Variants in CCDC126 observed in about 807,000 individuals in gnomAD.
CCDC126 encodes the protein coiled-coil domain containing 126.
Under a neutral mutation model 11.7 loss-of-function variants are expected in CCDC126, and 5 were observed. The ratio of observed to expected loss-of-function variants is 0.43; its 90% CI spans 0.22 to 0.90. CCDC126 has a LOEUF of 0.90. Among genes scored for constraint, CCDC126 ranks in the 40% least tolerant of loss-of-function variants. The pLI is 0.27. For synonymous variants in CCDC126, 60 were observed against 61.9 expected, an observed-to-expected ratio of 0.97 and a Z score of 0.14; for missense variants, 150 against 163.1, an observed-to-expected ratio of 0.92 and a Z score of 0.44.
intron 3 of CCDC126, chr7:23,619,413 G>A: frequency 2.4e-6 from 1 of 422,376 alleles, no homozygotes; most frequent in Admixed American, 2.9e-5. Flanking sequence ...TTAAAGAAAA[G>A]GATAGATTAA....
At chr7:23,613,999 C>T (rs1393713300) in intron 3 of CCDC126, among the ~76,000 whole-genome samples, 1 of 152,152 alleles carries the variant, frequency 6.6e-6, no homozygotes, top group African/African-American at 2.4e-5. Context: ...GAGGATCTTG[C>T]CTTGATGTCA....
intron 3 of CCDC126, among the ~76,000 whole-genome samples, chr7:23,633,617 A>C (rs1783152606): frequency 6.6e-6 from 1 of 152,160 alleles, no homozygotes; most frequent in Non-Finnish European, 1.5e-5. Flanking sequence ...TAATCCTAGC[A>C]CTTTGGGAGG....
At chr7:23,625,249 G>C (rs1370692571) in intron 3 of CCDC126, among the ~76,000 whole-genome samples, 2 of 152,160 alleles carry the variant, frequency 1.3e-5, no homozygotes, top group Non-Finnish European at 2.9e-5. Flanking sequence ...GTATTTGTGT[G>C]TATGAAATAT....
At chr7:23,639,109 C>T (rs1783305550) in intron 3 of CCDC126, among the ~76,000 whole-genome samples, 1 of 151,504 alleles carries the variant, frequency 6.6e-6, no homozygotes, top group South Asian at 2.1e-4. Context: ...ATTTTCAACT[C>T]TACAGAAAAA....
Position 23,642,938 on chromosome 7 carries a change from GA to G in CCDC126, c.250del (p.Arg84GlufsTer15). 6.2e-7 allele frequency: 1 copy of G among 1,613,542 alleles called. No homozygotes were observed. Among genetic ancestry groups the G allele is most frequent in the Non-Finnish European group, 8.5e-7 (1 of 1,179,542 alleles). On this transcript the variant is annotated frameshift_variant, in exon 4 of 4. Coordinates refer to ENST00000307471, the MANE Select transcript of CCDC126 (RefSeq NM_138771.4). LOFTEE classifies it high-confidence loss of function. Reference sequence around the variant, plus strand: ...TCTGATTTATTCCCCTAGCGGATCTGAAAAGAACAATTGCTGTCCTTCTGGA... The same window carrying G: ...TCTGATTTATTCCCCTAGCGGATCTGAAAGAACAATTGCTGTCCTTCTGGA... ...GASMAGYADL[K>X]RTIAVLLDDI...
In CCDC126 at chr7:23,643,138, G is replaced by A. The variant is rs776847984; in HGVS notation, c.*23G>A. 4 of 1,602,686 alleles carry A rather than the reference G, an allele frequency of 2.5e-6. No individual in the cohort carries two copies. The highest frequency in any genetic ancestry group is 1.1e-5 in the South Asian group (1 of 89,904). Reference sequence around the variant, plus strand: ...TAGCAGTTGAAAATCACCTTGTGCTGCTCCATCCACTGTGGATTATATCCT... The same window carrying A: ...TAGCAGTTGAAAATCACCTTGTGCTACTCCATCCACTGTGGATTATATCCT... On this transcript the variant is annotated 3_prime_UTR_variant, in exon 4 of 4. Transcript: ENST00000307471.
intron 3 of CCDC126, among the ~76,000 whole-genome samples, chr7:23,614,361 T>A (rs1324687324): frequency 6.6e-6 from 1 of 152,170 alleles, no homozygotes; most frequent in African/African-American, 2.4e-5. Context: ...AGTCTTATCA[T>A]GAGATTGCAG....
chr7:23,621,203 A>G (rs935724231), intron 3 of CCDC126, among the ~76,000 whole-genome samples: 3 of 152,202 alleles, frequency 2.0e-5, no homozygotes, highest in African/African-American at 2.4e-5. Context: ...GATTCTTCCT[A>G]TCCATGAGCA....
At chr7:23,626,041 G>A (rs1783009769) in intron 3 of CCDC126, among the ~76,000 whole-genome samples, 1 of 107,654 alleles carries the variant, frequency 9.3e-6, no homozygotes, top group Admixed American at 8.9e-5. Flanking sequence ...ATAACTGGGT[G>A]TGCTGTTTTA....
intron 3 of CCDC126, among the ~76,000 whole-genome samples, chr7:23,628,019 T>A (rs1783043878): frequency 6.6e-6 from 1 of 152,190 alleles, no homozygotes; most frequent in South Asian, 2.1e-4. Context: ...TTTCTTTAAT[T>A]CATTTTAAAA....
At chr7:23,623,162 T>A (rs1250238446) in intron 3 of CCDC126, among the ~76,000 whole-genome samples, 1 of 151,402 alleles carries the variant, frequency 6.6e-6, no homozygotes. Flanking sequence ...TTTTTTGGTA[T>A]TTTTAGTAGA....
At chr7:23,621,851 G>C (rs1230861053) in intron 3 of CCDC126, among the ~76,000 whole-genome samples, 1 of 152,124 alleles carries the variant, frequency 6.6e-6, no homozygotes, top group Non-Finnish European at 1.5e-5. Context: ...TGTGGTTTTT[G>C]TCTTTGGTTC....
chr7:23,609,212 T>G (rs1782667583), intron 2 of CCDC126, among the ~76,000 whole-genome samples: 1 of 152,082 alleles, frequency 6.6e-6, no homozygotes, highest in Admixed American at 6.5e-5. Flanking sequence ...GGATGGAGTT[T>G]CACTCTTGTT....
At chr7:23,615,404 C>G (rs1782780723) in intron 3 of CCDC126, among the ~76,000 whole-genome samples, 1 of 152,202 alleles carries the variant, frequency 6.6e-6, no homozygotes, top group Non-Finnish European at 1.5e-5. Flanking sequence ...ATGTTTTATC[C>G]AGACCACTCA....
At chr7:23,636,054 C>G (rs1233039389) in intron 3 of CCDC126, among the ~76,000 whole-genome samples, 2 of 151,856 alleles carry the variant, frequency 1.3e-5, no homozygotes, top group African/African-American at 4.8e-5. Context: ...TTGGTGGAGA[C>G]GGGGTTTTGC....
chr7:23,597,712 C>G (rs996696486), intron 1 of CCDC126, 107 bp downstream of exon 1: 3 of 152,492 alleles, frequency 2.0e-5, no homozygotes, highest in African/African-American at 7.2e-5. Context: ...GGTCCCCGCC[C>G]CGCTAGGGCC....
intron 3 of CCDC126, among the ~76,000 whole-genome samples, chr7:23,633,278 C>A (rs1375746692): frequency 1.3e-5 from 2 of 152,134 alleles, no homozygotes; most frequent in African/African-American, 4.8e-5. Flanking sequence ...AGGCGTGAGC[C>A]ACTGTGCCCG....
At chr7:23,602,973 G>T (rs114736176) in intron 2 of CCDC126, among the ~76,000 whole-genome samples, 1 of 152,144 alleles carries the variant, frequency 6.6e-6, no homozygotes. Flanking sequence ...TATTGTGAAT[G>T]AATTAGTGAA....
At chr7:23,632,390 C>T (rs1324511578) in intron 3 of CCDC126, among the ~76,000 whole-genome samples, 1 of 152,242 alleles carries the variant, frequency 6.6e-6, no homozygotes. Flanking sequence ...GCCACCACGC[C>T]TGGCCACAAA....
Sources: allele counts gnomAD v4.1 joint callset (sites outside exome capture counted in the v4.1 genomes callset), GRCh38; gene constraint gnomAD v4.1.1; transcripts MANE v1.5; gene names NCBI Gene and HGNC (gene_info 2026-07-23, HGNC 2026-07-21).